GREM2: variants seen among roughly 807,000 people sequenced by gnomAD.
The protein encoded by GREM2 is gremlin-2.
GREM2 carries 11 observed loss-of-function variants against 14.2 expected under a neutral mutation model. The observed-to-expected ratio is 0.78, with a 90% CI of 0.49 to 1.28. GREM2 has a LOEUF of 1.28. Among genes scored for constraint, GREM2 ranks in the 50% most tolerant of loss-of-function variants. The probability of loss-of-function intolerance (pLI) is 0.00; values close to 1 mark genes in which losing one functional copy is unlikely to be tolerated. For missense variants in GREM2, 210 were observed against 218.5 expected (o/e 0.96, Z 0.24); for synonymous variants, 98 against 97.6 (o/e 1.00, Z -0.02).
At chr1:240,609,250 C>A (rs981809061) in intron 1 of GREM2, among the ~76,000 whole-genome samples, 1 of 152,010 alleles carries the variant, frequency 6.6e-6, no homozygotes, top group Non-Finnish European at 1.5e-5. Flanking sequence ...CTCTGTTCTA[C>A]AAATCAGTGC....
intron 1 of GREM2, 108 bp downstream of exon 1, chr1:240,611,776 G>A (rs1420728485): frequency 6.5e-6 from 1 of 152,690 alleles, no homozygotes; most frequent in African/African-American, 2.4e-5. Flanking sequence ...CAGGGCTTTC[G>A]GTCCTGACCA....
At chr1:240,538,591 G>C (rs1678524682) in intron 1 of GREM2, among the ~76,000 whole-genome samples, 1 of 151,990 alleles carries the variant, frequency 6.6e-6, no homozygotes, top group African/African-American at 2.4e-5. Flanking sequence ...GGTGGTGTGT[G>C]CCTATAGTCC....
intron 1 of GREM2, among the ~76,000 whole-genome samples, chr1:240,517,106 A>G (rs1370555686): frequency 6.6e-6 from 1 of 152,190 alleles, no homozygotes. Context: ...CACAATAAAT[A>G]TTTGTCCAAA....
At chr1:240,535,558 G>A (rs1383863274) in intron 1 of GREM2, among the ~76,000 whole-genome samples, 1 of 152,136 alleles carries the variant, frequency 6.6e-6, no homozygotes, top group African/African-American at 2.4e-5. Flanking sequence ...CCCACATTTT[G>A]GGAGGCCGAG....
rs191409746 is a variant in GREM2 at position 240,537,641 on chromosome 1, C to T, written c.-1-44165G>A. Among the ~76,000 whole-genome samples the T allele has an allele frequency of 5.3e-5, 8 of 152,096 alleles. 1 individual carries two copies. In the South Asian group the frequency reaches 1.2e-3, roughly 24 times the overall value. ...GTCTACTAAAAATACAAAAGTTAGC[C>T]GAGCATGGTGGCGCGTGCCTGTAAT... On this transcript the variant is annotated intron_variant, in intron 1 of 1. Transcript: ENST00000318160.
chr1:240,536,514 A>G (rs12027604), intron 1 of GREM2, among the ~76,000 whole-genome samples: 36,665 of 152,144 alleles, frequency 0.24, 4,633 homozygotes, highest in South Asian at 0.31. Flanking sequence ...CAAGAGGGGG[A>G]TTGGTAATTG....
intron 1 of GREM2, among the ~76,000 whole-genome samples, chr1:240,574,122 A>T (rs1257160372): frequency 6.6e-6 from 1 of 151,914 alleles, no homozygotes; most frequent in East Asian, 1.9e-4. Flanking sequence ...GGGTTTCACC[A>T]TGTTGGCCAG....
rs1678624093 is a variant in GREM2, at chr1:240,542,854, T to C, written c.-1-49378A>G. ...CTTGGCAGGTTTTTATCTTGCAAGATATATTAAAGCCTCCTAGTACACTGA... is the reference window on the plus strand; with the variant it reads ...CTTGGCAGGTTTTTATCTTGCAAGACATATTAAAGCCTCCTAGTACACTGA... On this transcript the variant is annotated intron_variant, in intron 1 of 1. Transcript: ENST00000318160. The surrounding 1 kb of genome is among the most constrained non-coding windows in gnomAD (Gnocchi z 4.1). Among the ~76,000 whole-genome samples, 1 of 152,216 alleles carries C rather than the reference T, an allele frequency of 6.6e-6. No homozygotes were observed. The highest frequency in any genetic ancestry group is 1.5e-5 in the Non-Finnish European group (1 of 68,042).
At position 240,540,652 on chromosome 1, in the gene GREM2, T is replaced by C. The variant is rs1413755913; in HGVS notation, c.-1-47176A>G. On this transcript the variant is annotated intron_variant, in intron 1 of 1. Transcript: ENST00000318160. The surrounding 1 kb of genome is among the most constrained non-coding windows in gnomAD (Gnocchi z 4.2). ...ATGTAGACTTACAGCAACCTCTGCCTCCTGGGTTCAAGAGATTCTCCTGCC... is the reference window on the plus strand; with the variant it reads ...ATGTAGACTTACAGCAACCTCTGCCCCCTGGGTTCAAGAGATTCTCCTGCC... 6.6e-6 allele frequency among the ~76,000 whole-genome samples: 1 copy of C among 151,868 alleles called. No individual in the cohort carries two copies. The highest frequency in any genetic ancestry group is 1.5e-5 in the Non-Finnish European group (1 of 67,974).
chr1:240,568,386 A>G (rs942123275), intron 1 of GREM2, among the ~76,000 whole-genome samples: 1 of 152,192 alleles, frequency 6.6e-6, no homozygotes, highest in African/African-American at 2.4e-5. Context: ...AAAATTTATC[A>G]ATCCAAAGAA....
intron 1 of GREM2, among the ~76,000 whole-genome samples, chr1:240,604,422 T>C (rs192271589): frequency 2.5e-4 from 38 of 152,168 alleles, no homozygotes; most frequent in Non-Finnish European, 5.1e-4. Flanking sequence ...ATCACTTCCA[T>C]AATTTTCAAG....
chr1:240,571,707 AAAAAGAAAAAG>A (rs1403125738), intron 1 of GREM2, among the ~76,000 whole-genome samples: 6 of 152,150 alleles, frequency 3.9e-5, no homozygotes, highest in Non-Finnish European at 8.8e-5. Context: ...GCAAAAAAAG[AAAAAGAAAAAG>A]AAAAGAAAAA....
At chr1:240,523,442 G>A (rs1348506892) in intron 1 of GREM2, among the ~76,000 whole-genome samples, 1 of 152,168 alleles carries the variant, frequency 6.6e-6, no homozygotes, top group Non-Finnish European at 1.5e-5. Flanking sequence ...CTCTCCAGAT[G>A]TGACACCAAA....
intron 1 of GREM2, among the ~76,000 whole-genome samples, chr1:240,562,926 GTA>G (rs1205677640): frequency 3.4e-5 from 5 of 149,004 alleles, no homozygotes; most frequent in African/African-American, 1.0e-4. Flanking sequence ...GAGTGTATGT[GTA>G]TGTGTGTGAG....
chr1:240,550,898 C>T (rs191313581), intron 1 of GREM2, among the ~76,000 whole-genome samples: 149 of 152,256 alleles, frequency 9.8e-4, no homozygotes, highest in African/African-American at 3.4e-3. Context: ...ATACACCCTT[C>T]GTTATTTAGA....
chr1:240,508,779 A>G (rs1677735478), intron 1 of GREM2, among the ~76,000 whole-genome samples: 2 of 152,224 alleles, frequency 1.3e-5, no homozygotes, highest in South Asian at 4.1e-4. Context: ...CATTATGAAC[A>G]CAACACACCT....
chr1:240,607,966 T>G (rs531650841), intron 1 of GREM2, among the ~76,000 whole-genome samples: 9 of 152,254 alleles, frequency 5.9e-5, no homozygotes. Context: ...GAAAATATAA[T>G]GTAAAGGACT....
At chr1:240,530,603 G>A (rs1678332914) in intron 1 of GREM2, 1 of 152,150 alleles carries the variant, frequency 6.6e-6, no homozygotes, top group Admixed American at 6.5e-5. Flanking sequence ...ATTACATAGA[G>A]TTATAAATAA....
chr1:240,534,008 T>A (rs1678418634), intron 1 of GREM2, among the ~76,000 whole-genome samples: 2 of 152,092 alleles, frequency 1.3e-5, no homozygotes, highest in South Asian at 4.1e-4. Flanking sequence ...AAAGGCAGAG[T>A]TGCAAACAGA....
Sources: allele counts gnomAD v4.1 joint callset (sites outside exome capture counted in the v4.1 genomes callset), GRCh38; gene constraint gnomAD v4.1.1; non-coding constraint Gnocchi (gnomAD v3.1); transcripts MANE v1.5; gene names NCBI Gene and HGNC (gene_info 2026-07-23, HGNC 2026-07-21).